INSC: variants seen among roughly 807,000 people sequenced by gnomAD.
INSC encodes the protein INSC spindle orientation adaptor protein.
A neutral mutation model predicts 58.6 loss-of-function variants in INSC; 67 were observed. The observed-to-expected ratio is 1.14, with a 90% CI of 0.94 to 1.40. INSC has a LOEUF of 1.40. Among genes scored for constraint, INSC ranks in the 40% most tolerant of loss-of-function variants. The pLI is 0.00. For synonymous variants in INSC, 262 were observed against 276.1 expected, an observed-to-expected ratio of 0.95 and a Z score of 0.51; for missense variants, 714 against 692.0, an observed-to-expected ratio of 1.03 and a Z score of -0.36.
chr11:15,197,760 T>C (rs1850425349), intron 6 of INSC, among the ~76,000 whole-genome samples: 1 of 152,136 alleles, frequency 6.6e-6, no homozygotes, highest in Non-Finnish European at 1.5e-5. Flanking sequence ...TCCTCTGGGC[T>C]TCATCAAAAT....
At chr11:15,173,408 G>T (rs1273001513) in intron 2 of INSC, among the ~76,000 whole-genome samples, 1 of 152,162 alleles carries the variant, frequency 6.6e-6, no homozygotes, top group Non-Finnish European at 1.5e-5. Context: ...AAGTTAGTTG[G>T]CTGAGATTGG....
At chr11:15,166,502 CA>C (rs1849201522) in intron 2 of INSC, among the ~76,000 whole-genome samples, 1 of 152,050 alleles carries the variant, frequency 6.6e-6, no homozygotes, top group South Asian at 2.1e-4. Context: ...ACATCCTAGC[CA>C]AAGACAAAAT....
chr11:15,157,766 TG>T (rs1848866376), intron 2 of INSC, among the ~76,000 whole-genome samples: 1 of 152,106 alleles, frequency 6.6e-6, no homozygotes, highest in Non-Finnish European at 1.5e-5. Flanking sequence ...TGACTGTGGC[TG>T]GTATTAGATG....
chr11:15,155,610 C>G (rs764131652), intron 2 of INSC, among the ~76,000 whole-genome samples: 1 of 152,148 alleles, frequency 6.6e-6, no homozygotes, highest in Non-Finnish European at 1.5e-5. Flanking sequence ...ATTTGGGGTG[C>G]TTAGTACGTT....
At chr11:15,261,920 T>C in the INSC span, among the ~76,000 whole-genome samples, 1 of 151,914 alleles carries the variant, frequency 6.6e-6, no homozygotes, top group East Asian at 1.9e-4. Context: ...GTGAGGAAGA[T>C]CAGAACTGCA....
In INSC at chr11:15,225,767, G is replaced by A. The variant is rs114382440; in HGVS notation, c.1109G>A (p.Arg370His). Residue 370 changes from arginine (R) to histidine (H), a missense_variant, in exon 9 of 13, where the codon CGT becomes CAT. Arg to His is a conservative substitution (Grantham distance 29). Transcript: ENST00000379556. The part of the protein sequence containing the change: ...CEMLLQLNAI[R>H]VLLEACSDKQ... The stretch of plus-strand genomic sequence containing the variant: ...ATGCTCCTGCAGTTGAATGCCATCC[G>A]TGTTCTCCTGGAAGCCTGCAGTGAC... 1.8e-3 allele frequency: 2,900 copies of A among 1,613,962 alleles called. 38 individuals are homozygous for A. In the African/African-American group the frequency reaches 0.032, roughly 18 times the overall value.
intron 8 of INSC, among the ~76,000 whole-genome samples, chr11:15,222,895 G>C (rs1851499283): frequency 6.6e-6 from 1 of 152,194 alleles, no homozygotes; most frequent in African/African-American, 2.4e-5. Flanking sequence ...AGACCCTACA[G>C]TTCTAAGCAT....
intron 12 of INSC, among the ~76,000 whole-genome samples, chr11:15,244,792 CTT>C (rs1852496707): frequency 6.6e-6 from 1 of 152,164 alleles, no homozygotes; most frequent in Non-Finnish European, 1.5e-5. Context: ...TTCCCCCACT[CTT>C]TTTGCTTCCA....
chr11:15,261,644 A>C, the INSC span, among the ~76,000 whole-genome samples: 1 of 152,154 alleles, frequency 6.6e-6, no homozygotes, highest in African/African-American at 2.4e-5. Context: ...TTGGAGTCCA[A>C]AGTTTGAGCT....
chr11:15,220,605 A>T (rs913647300), intron 7 of INSC, among the ~76,000 whole-genome samples: 18 of 152,136 alleles, frequency 1.2e-4, no homozygotes, highest in African/African-American at 4.1e-4. Flanking sequence ...AAGTCAATGA[A>T]CCTTTCTGTG....
rs771374653 is a variant in INSC at position 15,149,204 on chromosome 11, G to C, written c.30G>C (p.Leu10=). 5 of 1,609,454 alleles carry C rather than the reference G, an allele frequency of 3.1e-6. No individual in the cohort carries two copies. In the African/African-American group the frequency reaches 6.7e-5, roughly 22 times the overall value. ...TGGCACTGCCTGGAGGTCGCCACCT[G>C]GACTCCGTCACCCTGCCGGGTCAGC... MMALPGGRH[L]DSVTLPGQRL... is the part of the protein sequence containing the mutation. Residue 10 remains leucine (L), a synonymous_variant, in exon 2 of 13, where the codon CTG becomes CTC. Coordinates refer to ENST00000379556, the MANE Select transcript of INSC (RefSeq NM_001042536.3).
chr11:15,231,287 TC>T (rs1168638966), intron 9 of INSC, among the ~76,000 whole-genome samples: 3 of 152,134 alleles, frequency 2.0e-5, no homozygotes, highest in African/African-American at 4.8e-5. Flanking sequence ...GCACTGGGCT[TC>T]CCCTAGAGCA....
At chr11:15,160,745 T>TA (rs1170011643) in intron 2 of INSC, among the ~76,000 whole-genome samples, 2 of 152,202 alleles carry the variant, frequency 1.3e-5, no homozygotes, top group Non-Finnish European at 2.9e-5. Flanking sequence ...CATTGGCTCA[T>TA]AAGAGTGAAA....
At chr11:15,149,072 A>G in intron 1 of INSC, 58 bp from the exon 2 acceptor site, 1 of 1,489,058 alleles carries the variant, frequency 6.7e-7, no homozygotes, top group Admixed American at 2.2e-5. Flanking sequence ...CTGGGAGAGA[A>G]AGTGATTGTG....
intron 1 of INSC, among the ~76,000 whole-genome samples, chr11:15,142,087 C>A (rs1332464264): frequency 1.3e-5 from 2 of 152,178 alleles, no homozygotes; most frequent in African/African-American, 4.8e-5. Context: ...GATCTGGGTC[C>A]CTGAATACTT....
downstream of INSC, among the ~76,000 whole-genome samples, chr11:15,248,787 G>A (rs1233336041): frequency 6.6e-6 from 1 of 152,188 alleles, no homozygotes; most frequent in Non-Finnish European, 1.5e-5. Flanking sequence ...CAGGGGCCTA[G>A]TAGGAAACAG....
upstream of INSC, among the ~76,000 whole-genome samples, chr11:15,111,972 G>A (rs971732460): frequency 2.6e-5 from 4 of 152,124 alleles, no homozygotes; most frequent in Admixed American, 6.5e-5. Context: ...TGAAGTTCTC[G>A]TATATGCAAT....
intron 7 of INSC, among the ~76,000 whole-genome samples, chr11:15,219,186 A>G (rs549173292): frequency 6.6e-6 from 1 of 152,166 alleles, no homozygotes; most frequent in African/African-American, 2.4e-5. Flanking sequence ...GGATACAGGA[A>G]CTTGCTCTTA....
rs1262053227 is a variant in INSC at position 15,227,359 on chromosome 11, TC to T, written c.1170+1532del. On this transcript the variant is annotated intron_variant, in intron 9 of 12. Coordinates refer to ENST00000379556, the MANE Select transcript of INSC (RefSeq NM_001042536.3). ...GCATCTATTAATTGGGACATGAATG[TC>T]TATATTGCAGGGTTATTGTGAGGGT... Among the ~76,000 whole-genome samples the T allele has an allele frequency of 5.3e-5, 8 of 152,174 alleles. No individual in the cohort carries two copies. In the East Asian group the frequency reaches 1.5e-3, roughly 29 times the overall value.
Sources: allele counts gnomAD v4.1 joint callset (sites outside exome capture counted in the v4.1 genomes callset), GRCh38; gene constraint gnomAD v4.1.1; transcripts MANE v1.5; gene names NCBI Gene and HGNC (gene_info 2026-07-23, HGNC 2026-07-21).